DOCK2: variants seen among roughly 807,000 people sequenced by gnomAD.
DOCK2 encodes dedicator of cytokinesis 2.
DOCK2 carries 87 observed loss-of-function variants against 248.9 expected under a neutral mutation model. The observed-to-expected ratio is 0.35, with a 90% confidence interval of 0.29 to 0.42. The LOEUF (loss-of-function observed/expected upper bound fraction) is 0.42. Ranked by LOEUF, DOCK2 falls within the 10% of genes least tolerant of loss-of-function variation. The pLI is 1.00. For synonymous variants in DOCK2, 805 were observed against 821.6 expected (o/e 0.98, Z 0.35); for missense variants, 1,747 against 2,300.2 (o/e 0.76, Z 4.92).
intron 23 of DOCK2, among the ~76,000 whole-genome samples, chr5:169,754,032 G>T (rs111356823): frequency 6.6e-6 from 1 of 152,156 alleles, no homozygotes; most frequent in Non-Finnish European, 1.5e-5. Context: ...GCATAACTGT[G>T]TATCATTTCA....
At chr5:169,939,646 G>A (rs543709917) in intron 27 of DOCK2, among the ~76,000 whole-genome samples, 3 of 152,218 alleles carry the variant, frequency 2.0e-5, no homozygotes, top group South Asian at 4.2e-4. Flanking sequence ...GGATGGGTGC[G>A]ATGCCACTAG....
intron 26 of DOCK2, among the ~76,000 whole-genome samples, chr5:169,839,321 GCA>G (rs1769795151): frequency 6.6e-6 from 1 of 152,192 alleles, no homozygotes; most frequent in Admixed American, 6.5e-5. Flanking sequence ...TTCCAGAATT[GCA>G]CATGTCATTT....
At chr5:169,771,314 T>A (rs1302135447) in intron 25 of DOCK2, among the ~76,000 whole-genome samples, 1 of 152,236 alleles carries the variant, frequency 6.6e-6, no homozygotes, top group Non-Finnish European at 1.5e-5. Flanking sequence ...GGAGTCTCGC[T>A]CTGTCGCCCA....
At chr5:169,972,114 T>C (rs1030331877) in intron 27 of DOCK2, among the ~76,000 whole-genome samples, 15 of 152,224 alleles carry the variant, frequency 9.9e-5, no homozygotes, top group African/African-American at 3.4e-4. Context: ...AAATGTATTT[T>C]CTATTATTGA....
intron 27 of DOCK2, among the ~76,000 whole-genome samples, chr5:169,940,723 A>G (rs1263904730): frequency 3.3e-5 from 5 of 152,158 alleles, no homozygotes; most frequent in Non-Finnish European, 7.4e-5. Context: ...ATCTGACAGG[A>G]GGGGGAGCTC....
chr5:169,681,639 C>CA, intron 6 of DOCK2, 105 bp from the exon 7 acceptor site: 1 of 1,371,906 alleles, frequency 7.3e-7, no homozygotes, highest in Non-Finnish European at 9.9e-7. Flanking sequence ...TTCTATGTGA[C>CA]TATATGACCC....
chr5:169,825,317 A>T (rs1319440243), intron 26 of DOCK2, among the ~76,000 whole-genome samples: 1 of 152,218 alleles, frequency 6.6e-6, no homozygotes, highest in Non-Finnish European at 1.5e-5. Flanking sequence ...AGACACATGT[A>T]CATGTATGTT....
intron 25 of DOCK2, among the ~76,000 whole-genome samples, chr5:169,800,771 T>C (rs1766912213): frequency 6.6e-6 from 1 of 152,032 alleles, no homozygotes; most frequent in African/African-American, 2.4e-5. Flanking sequence ...ATCCATAGAA[T>C]CAGAGGAAAT....
chr5:170,050,147 A>C (rs1756864187), intron 40 of DOCK2, 109 bp from the exon 41 acceptor site: 1 of 1,408,534 alleles, frequency 7.1e-7, no homozygotes, highest in African/African-American at 1.4e-5. Flanking sequence ...AGAGTGATGC[A>C]CTGGACATCC....
chr5:169,969,505 A>G (rs1019235900), intron 27 of DOCK2, among the ~76,000 whole-genome samples: 4 of 152,232 alleles, frequency 2.6e-5, no homozygotes, highest in Non-Finnish European at 5.9e-5. Flanking sequence ...GAGAGCATCC[A>G]TGGCTTTTGC....
intron 27 of DOCK2, among the ~76,000 whole-genome samples, chr5:169,976,502 T>C (rs1394487830): frequency 6.6e-6 from 1 of 152,180 alleles, no homozygotes; most frequent in Non-Finnish European, 1.5e-5. Flanking sequence ...AAGGAATGAA[T>C]GAATGGAATT....
chr5:170,075,856 C>T lies in DOCK2; in HGVS notation c.4729-91C>T, dbSNP rs142046404. 1.8e-4 allele frequency: 274 copies of T among 1,542,814 alleles called. 1 individual carries two copies. The highest frequency in any genetic ancestry group is 1.0e-3 in the South Asian group (84 of 83,784). On this transcript the variant is annotated intron_variant, in intron 46 of 51. Transcript: ENST00000520908. ...AAGCCCTTGATGAATTCTTAGCAGG[C>T]AGACTTGACTGCAGCTGCCTTGATG...
chr5:170,068,368 C>T (rs188754530), intron 45 of DOCK2, among the ~76,000 whole-genome samples: 22 of 152,306 alleles, frequency 1.4e-4, no homozygotes, highest in Admixed American at 4.6e-4. Context: ...TGGTTTTCAC[C>T]TAGCAGACAC....
At chr5:169,712,050 G>A (rs753763917) in intron 16 of DOCK2, 43 bp downstream of exon 16, 2 of 1,614,008 alleles carry the variant, frequency 1.2e-6, no homozygotes, top group Non-Finnish European at 1.7e-6. Flanking sequence ...TCCCCCTAAG[G>A]GGAGAAGAAT....
At chr5:169,954,818 C>T (rs568887917) in intron 27 of DOCK2, among the ~76,000 whole-genome samples, 29 of 152,336 alleles carry the variant, frequency 1.9e-4, no homozygotes, top group Non-Finnish European at 2.4e-4. Context: ...TGGGAAGGCT[C>T]ATACAGGTCC....
chr5:169,923,909 C>T lies in DOCK2; in HGVS notation c.2800-59159C>T, dbSNP rs77874915. On this transcript the variant is annotated intron_variant, in intron 27 of 51. Transcript: ENST00000520908. ...TAAGATGGAAGTTTTGTGGGATAAG[C>T]AATCTGCTGCTCCCTTGGAGAATTC... Among the ~76,000 whole-genome samples, 881 of 152,310 alleles carry T rather than the reference C, an allele frequency of 5.8e-3. 3 individuals carry two copies. The highest frequency in any genetic ancestry group is 0.014 in the Middle Eastern group (4 of 294).
At chr5:170,065,440 A>G (rs574754027) in intron 44 of DOCK2, among the ~76,000 whole-genome samples, 6 of 152,278 alleles carry the variant, frequency 3.9e-5, no homozygotes, top group South Asian at 2.1e-4. Flanking sequence ...ATTAAATTCA[A>G]CAATCAAAAG....
At chr5:169,997,223 A>C (rs1435335018) in intron 30 of DOCK2, among the ~76,000 whole-genome samples, 1 of 135,202 alleles carries the variant, frequency 7.4e-6, no homozygotes, top group Admixed American at 7.3e-5. Flanking sequence ...AATGCTTTAC[A>C]AAGCAGTATT....
intron 26 of DOCK2, among the ~76,000 whole-genome samples, chr5:169,807,298 T>C (rs1767438842): frequency 6.6e-6 from 1 of 152,162 alleles, no homozygotes; most frequent in African/African-American, 2.4e-5. Context: ...GAGGAGCTGT[T>C]AAAACACGTT....
Sources: gnomAD v4.1 joint callset for allele counts (sites outside exome capture counted in the v4.1 genomes callset) on GRCh38, gnomAD v4.1.1 for gene constraint, MANE v1.5 for transcripts, NCBI Gene and HGNC (gene_info 2026-07-23, HGNC 2026-07-21) for gene names.